Variants in IGDCC3 observed in about 807,000 individuals in gnomAD.
IGDCC3 encodes putative neuronal cell adhesion molecule.
In IGDCC3, 47 loss-of-function variants were observed where a neutral mutation model predicts 72.0. That is an observed-to-expected ratio of 0.65 (90% CI 0.52 to 0.83). The LOEUF is 0.83. Ranked by LOEUF, IGDCC3 falls within the 40% of genes least tolerant of loss-of-function variation. The pLI, the probability that IGDCC3 is intolerant of heterozygous loss-of-function variation, is 0.00. For synonymous variants in IGDCC3, 477 were observed against 472.8 expected, an observed-to-expected ratio of 1.01 and a Z score of -0.11; for missense variants, 1,038 against 1,091.3, an observed-to-expected ratio of 0.95 and a Z score of 0.69.
rs1359032989 is a variant in IGDCC3, at chr15:65,339,292, G to C, written c.410-3336C>G. On this transcript the variant is annotated intron_variant, in intron 2 of 13. Transcript: ENST00000327987. The surrounding 1 kb of genome is among the most constrained non-coding windows in gnomAD (Gnocchi z 4.1). ...AGATGGGCTTTCACCATGTTAGTCA[G>C]GCTGGTCTCAAACTCCTGACCTCGT... Among the ~76,000 whole-genome samples the C allele has an allele frequency of 6.6e-6, 1 of 152,188 alleles. No individual in the cohort carries two copies. Among genetic ancestry groups the C allele is most frequent in the African/African-American group, 2.4e-5 (1 of 41,442 alleles).
chr15:65,373,465 C>T (rs2091339681), intron 2 of IGDCC3: 1 of 152,372 alleles, frequency 6.6e-6, no homozygotes. Context: ...GATCTGCCTT[C>T]CTCAGAACAA....
chr15:65,355,656 TCCCGCCCC>T (rs2091213359), intron 2 of IGDCC3: 2 of 214,690 alleles, frequency 9.3e-6, no homozygotes, highest in South Asian at 3.1e-5. Context: ...GACGCGGGCG[TCCCGCCCC>T]CCCGCCCCTC....
At chr15:65,366,704 T>G (rs1469621915) in intron 2 of IGDCC3, among the ~76,000 whole-genome samples, 1 of 152,142 alleles carries the variant, frequency 6.6e-6, no homozygotes, top group East Asian at 1.9e-4. Context: ...CTTGCCTGCA[T>G]TAAGCCCACC....
At chr15:65,338,496 G>A (rs1024158573) in intron 2 of IGDCC3, among the ~76,000 whole-genome samples, 8 of 152,142 alleles carry the variant, frequency 5.3e-5, no homozygotes, top group Non-Finnish European at 1.0e-4. Context: ...TTCTTCTCAC[G>A]GTGTGGAGGA....
intron 2 of IGDCC3, among the ~76,000 whole-genome samples, chr15:65,366,989 G>T (rs1408212413): frequency 6.6e-6 from 1 of 152,266 alleles, no homozygotes; most frequent in African/African-American, 2.4e-5. Flanking sequence ...ATGGTGCAGT[G>T]CAGGCCAGCA....
chr15:65,375,504 G>A (rs1331579627), intron 1 of IGDCC3, 102 bp from the exon 2 acceptor site: 3 of 850,258 alleles, frequency 3.5e-6, no homozygotes, highest in East Asian at 2.7e-5. Flanking sequence ...TTGGGTCTAT[G>A]CACCCCATCC....
rs1042873140 is a variant in IGDCC3 at position 65,327,923 on chromosome 15, C to T, written c.*986G>A. ...AGCCCAGGTTCCTCATGGGCATCCC[C>T]ATCAAGGATGGGCTGGCTCAAAATG... On this transcript the variant is annotated 3_prime_UTR_variant, in exon 14 of 14. Coordinates refer to ENST00000327987, the MANE Select transcript of IGDCC3 (RefSeq NM_004884.4). 6.5e-6 allele frequency: 1 copy of T among 152,746 alleles called. No homozygotes were observed. The highest frequency in any genetic ancestry group is 2.4e-5 in the African/African-American group (1 of 41,472). 9.5% of individuals were successfully genotyped at this position (152,746 alleles called of 1,614,324 possible).
chr15:65,329,420 G>T lies in IGDCC3; in HGVS notation c.2175C>A (p.Ser725Arg), dbSNP rs756613320. Residue 725 changes from serine (S) to arginine (R), a missense_variant, in exon 13 of 14, where the codon AGC becomes AGA. Coordinates refer to ENST00000327987, the MANE Select transcript of IGDCC3 (RefSeq NM_004884.4). This position sits in a 1 kb window ranked among gnomAD's most constrained non-coding sequence, Gnocchi z 4.1. ...KELEQLFPPASAAGQPDPRPT... is the reference protein window; with the variant it reads ...KELEQLFPPARAAGQPDPRPT... Reference sequence around the variant, plus strand: ...GTCTGGGGTCCGGCTGCCCTGCTGCGCTGGCCGGGGGGAACAGCTGCTCCA... The same window carrying T: ...GTCTGGGGTCCGGCTGCCCTGCTGCTCTGGCCGGGGGGAACAGCTGCTCCA... The T allele has an allele frequency of 3.1e-6, 5 of 1,599,240 alleles. No individual in the cohort carries two copies. Among genetic ancestry groups the T allele is most frequent in the South Asian group, 1.1e-5 (1 of 89,118 alleles).
intron 2 of IGDCC3, among the ~76,000 whole-genome samples, chr15:65,337,232 AT>A (rs1442297811): frequency 3.3e-5 from 5 of 152,042 alleles, no homozygotes; most frequent in Non-Finnish European, 1.5e-5. Flanking sequence ...TCTCCATCTC[AT>A]TTGCATGTGG....
At chr15:65,371,257 C>T (rs531445121) in intron 2 of IGDCC3, among the ~76,000 whole-genome samples, 1 of 152,256 alleles carries the variant, frequency 6.6e-6, no homozygotes, top group Non-Finnish European at 1.5e-5. Context: ...ACCTCATTTA[C>T]TCCTCCAATA....
chr15:65,359,073 G>A (rs651376), intron 2 of IGDCC3, among the ~76,000 whole-genome samples: 64,568 of 151,928 alleles, frequency 0.42, 13,894 homozygotes, highest in East Asian at 0.48. Context: ...TGATGCACCT[G>A]CCCCAAGTGC....
chr15:65,331,771 A>C, intron 7 of IGDCC3, 112 bp from the exon 8 acceptor site: 1 of 1,409,692 alleles, frequency 7.1e-7, no homozygotes, highest in Non-Finnish European at 9.5e-7. Flanking sequence ...GACTTGTGTG[A>C]GGTCTCCCAG....
chr15:65,335,182 C>T, intron 4 of IGDCC3, 109 bp downstream of exon 4: 1 of 1,221,208 alleles, frequency 8.2e-7, no homozygotes, highest in Non-Finnish European at 1.1e-6. Context: ...ACTCTGCACG[C>T]ACGTGGCTGA....
intron 2 of IGDCC3, among the ~76,000 whole-genome samples, chr15:65,367,404 C>T (rs2140169065): frequency 6.7e-6 from 1 of 150,268 alleles, no homozygotes; most frequent in African/African-American, 2.4e-5. Flanking sequence ...GGAGGGATAG[C>T]TTTAGGAGAT....
chr15:65,375,415 A>G lies in IGDCC3; in HGVS notation c.104-13T>C, dbSNP rs2091352868. The stretch of plus-strand genomic sequence containing the variant: ...GAGTGGCCAAGACCTGCATTGGGGA[A>G]GGGGAGATGGAAGGAAATAGGGGTG... On this transcript the variant is annotated splice_polypyrimidine_tract_variant and intron_variant, in intron 1 of 13. Transcript: ENST00000327987. 3.8e-6 allele frequency: 6 copies of G among 1,584,858 alleles called. No individual in the cohort carries two copies. The highest frequency in any genetic ancestry group is 5.2e-6 in the Non-Finnish European group (6 of 1,159,542).
rs910995043 is a variant in IGDCC3 at position 65,329,888 on chromosome 15, G to A, written c.1859-24C>T. The A allele has an allele frequency of 3.1e-6, 5 of 1,613,346 alleles. No individual in the cohort carries two copies. The highest frequency in any genetic ancestry group is 4.2e-6 in the Non-Finnish European group (5 of 1,179,936). On this transcript the variant is annotated intron_variant, in intron 11 of 13. Coordinates refer to ENST00000327987, the MANE Select transcript of IGDCC3 (RefSeq NM_004884.4). This position sits in a 1 kb window ranked among gnomAD's most constrained non-coding sequence, Gnocchi z 4.1. ...GGCTGGGGACAGGGACGGGTTGGAG[G>A]CTTTGGCTCTCCAGGTCTGAAGCAC...
intron 2 of IGDCC3, among the ~76,000 whole-genome samples, chr15:65,344,421 C>G (rs2091108989): frequency 6.6e-6 from 1 of 152,184 alleles, no homozygotes; most frequent in African/African-American, 2.4e-5. Flanking sequence ...CTCCCCCGCA[C>G]CCAATTCTGA....
chr15:65,362,575 G>T (rs1385082004), intron 2 of IGDCC3, among the ~76,000 whole-genome samples: 5 of 131,824 alleles, frequency 3.8e-5, no homozygotes, highest in African/African-American at 1.4e-4. Context: ...GGGTGGGGGG[G>T]TGCACAGAAC....
At chr15:65,348,302 C>T (rs537420791) in intron 2 of IGDCC3, among the ~76,000 whole-genome samples, 2 of 152,300 alleles carry the variant, frequency 1.3e-5, no homozygotes, top group Non-Finnish European at 2.9e-5. Context: ...ACTGCAGACT[C>T]GCCCTGAATT....
Sources: gnomAD v4.1 joint callset for allele counts (sites outside exome capture counted in the v4.1 genomes callset) on GRCh38, gnomAD v4.1.1 for gene constraint, Gnocchi (gnomAD v3.1) non-coding constraint, MANE v1.5 for transcripts, NCBI Gene and HGNC (gene_info 2026-07-23, HGNC 2026-07-21) for gene names.